ADAM23: variants seen among roughly 807,000 people sequenced by gnomAD.
ADAM23 encodes the protein disintegrin and metalloproteinase domain-containing protein 23.
ADAM23 carries 33 observed loss-of-function variants against 120.1 expected under a neutral mutation model. The ratio of observed to expected loss-of-function variants is 0.27; its 90% CI spans 0.21 to 0.37. The LOEUF (loss-of-function observed/expected upper bound fraction) is 0.37. Among genes scored for constraint, ADAM23 ranks in the 10% least tolerant of loss-of-function variants. The pLI is 1.00. For missense variants in ADAM23, 862 were observed against 1,058.2 expected, an observed-to-expected ratio of 0.81 and a Z score of 2.57; for synonymous variants, 367 against 375.2, an observed-to-expected ratio of 0.98 and a Z score of 0.25.
chr2:206,609,947 T>TG lies in ADAM23; in HGVS notation c.2399dup (p.Ala801CysfsTer17). The TG allele has an allele frequency of 6.2e-7, 1 of 1,601,264 alleles. No individual in the cohort carries two copies. The highest frequency in any genetic ancestry group is 8.5e-7 in the Non-Finnish European group (1 of 1,175,920). On this transcript the variant is annotated frameshift_variant, in exon 25 of 26. Transcript: ENST00000264377. LOFTEE classifies it high-confidence loss of function. ...CCAATCTCATAATAGGCTCCATCGCTGGTGCCATCCTGGTAGCAGCTATTG... is the reference window on the plus strand; with the variant it reads ...CCAATCTCATAATAGGCTCCATCGCTGGGTGCCATCCTGGTAGCAGCTATTG...
At chr2:206,612,799 T>C (rs1698850739) in intron 25 of ADAM23, among the ~76,000 whole-genome samples, 1 of 152,200 alleles carries the variant, frequency 6.6e-6, no homozygotes, top group East Asian at 1.9e-4. Context: ...TGTGCATGTA[T>C]GTGAATGTGT....
intron 18 of ADAM23, among the ~76,000 whole-genome samples, chr2:206,578,645 G>T (rs1698165143): frequency 6.6e-6 from 1 of 152,134 alleles, no homozygotes; most frequent in Admixed American, 6.6e-5. Context: ...TGGGTTGGTT[G>T]ATGGTCATTT....
intron 3 of ADAM23, among the ~76,000 whole-genome samples, chr2:206,521,623 A>G (rs1244201856): frequency 6.6e-6 from 1 of 152,188 alleles, no homozygotes; most frequent in African/African-American, 2.4e-5. Context: ...CTATATGTGA[A>G]TGTATGTATA....
intron 2 of ADAM23, among the ~76,000 whole-genome samples, chr2:206,462,331 GC>G (rs775531922): frequency 6.6e-6 from 1 of 152,056 alleles, no homozygotes; most frequent in African/African-American, 2.4e-5. Flanking sequence ...CTCCCAGCAC[GC>G]CCCAAAGGCT....
Position 206,617,880 on chromosome 2 carries a change from C to T in ADAM23, c.*253C>T, listed in dbSNP as rs1698965235. The T allele has an allele frequency of 1.7e-6, 1 of 600,304 alleles. No individual in the cohort carries two copies. The highest frequency in any genetic ancestry group is 2.4e-6 in the Non-Finnish European group (1 of 409,016). 37.2% of individuals were successfully genotyped at this position (600,304 alleles called of 1,614,324 possible). A position where few individuals can be genotyped will look rare whatever the true frequency, so the allele number is the denominator to read the frequency against. On this transcript the variant is annotated 3_prime_UTR_variant, in exon 26 of 26. Coordinates refer to ENST00000264377, the MANE Select transcript of ADAM23 (RefSeq NM_003812.4). ...AGACCATGCTATAAAAAGAACTGTT[C>T]CAGAATCTTTTTTTTCCCTAATGGA... is the stretch of plus-strand genomic sequence containing the variant.
At chr2:206,453,612 A>G (rs1695239174) in intron 2 of ADAM23, among the ~76,000 whole-genome samples, 1 of 152,216 alleles carries the variant, frequency 6.6e-6, no homozygotes, top group South Asian at 2.1e-4. Context: ...TATGATTTTA[A>G]TTAAATTTAA....
chr2:206,560,559 G>T (rs1034836272), intron 11 of ADAM23, among the ~76,000 whole-genome samples: 1 of 152,150 alleles, frequency 6.6e-6, no homozygotes, highest in Admixed American at 6.5e-5. Flanking sequence ...AGAGAGGCTA[G>T]CAAAATGTAG....
At chr2:206,468,040 C>A (rs1343648354) in intron 2 of ADAM23, among the ~76,000 whole-genome samples, 1 of 152,130 alleles carries the variant, frequency 6.6e-6, no homozygotes, top group Non-Finnish European at 1.5e-5. Flanking sequence ...GACTGCAGTG[C>A]CCTGGGCTTG....
chr2:206,533,779 A>T (rs990510369), intron 4 of ADAM23, among the ~76,000 whole-genome samples: 46 of 152,306 alleles, frequency 3.0e-4, no homozygotes, highest in African/African-American at 1.0e-3. Context: ...TTGCATGGAC[A>T]TGGGTTAAAA....
In ADAM23 at chr2:206,443,881, C is replaced by T. The variant is rs1171704769; in HGVS notation, c.15C>T (p.Gly5=). MKPP[G]SSSRQPPLAG... Reference sequence around the variant, plus strand: ...AGCTATGAGCCATGAAGCCGCCCGGCAGCAGCTCGCGGCAGCCGCCCCTGG... The same window carrying T: ...AGCTATGAGCCATGAAGCCGCCCGGTAGCAGCTCGCGGCAGCCGCCCCTGG... Residue 5 remains glycine, a synonymous_variant, in exon 1 of 26, where the codon GGC becomes GGT. Transcript: ENST00000264377. 8.7e-7 allele frequency: 1 copy of T among 1,154,298 alleles called. No individual in the cohort carries two copies. The highest frequency in any genetic ancestry group is 1.1e-6 in the Non-Finnish European group (1 of 940,882). 71.5% of individuals were successfully genotyped at this position (1,154,298 alleles called of 1,614,324 possible).
intron 3 of ADAM23, among the ~76,000 whole-genome samples, chr2:206,530,233 C>T (rs574047923): frequency 1.9e-4 from 29 of 152,344 alleles, no homozygotes; most frequent in Non-Finnish European, 3.2e-4. Flanking sequence ...CAGCCATGCT[C>T]ATTTGTTTAC....
chr2:206,583,192 T>C (rs1414678449), intron 18 of ADAM23, among the ~76,000 whole-genome samples: 5 of 152,192 alleles, frequency 3.3e-5, no homozygotes, highest in Non-Finnish European at 7.4e-5. Flanking sequence ...CAGTGGCTCA[T>C]GCTTGTAATC....
chr2:206,554,056 AT>A (rs1329300626), intron 9 of ADAM23, among the ~76,000 whole-genome samples: 1 of 152,184 alleles, frequency 6.6e-6, no homozygotes, highest in African/African-American at 2.4e-5. Context: ...ATAAATGGTG[AT>A]TGCATATTTT....
At chr2:206,488,175 A>C (rs1423122968) in intron 3 of ADAM23, among the ~76,000 whole-genome samples, 1 of 152,212 alleles carries the variant, frequency 6.6e-6, no homozygotes, top group African/African-American at 2.4e-5. Context: ...TGACATGGTT[A>C]ATTCATTCTT....
At chr2:206,579,425 A>T (rs1456816146) in intron 18 of ADAM23, among the ~76,000 whole-genome samples, 1 of 152,122 alleles carries the variant, frequency 6.6e-6, no homozygotes, top group Non-Finnish European at 1.5e-5. Context: ...GTGAGAGATG[A>T]AGATCCAGTT....
chr2:206,587,368 A>T lies in ADAM23; in HGVS notation c.1781A>T (p.Gln594Leu). The change falls in exon 19 of 26, where the codon CAA becomes CTA. Residue 594 changes from glutamine to leucine, a missense_variant. Gln to Leu is a moderately radical substitution (Grantham distance 113). Coordinates refer to ENST00000264377, the MANE Select transcript of ADAM23 (RefSeq NM_003812.4). ...AAGCAAGACGGATATGCATGCAATC[A>T]AAATCAGGTATGCTGGGCTATAAAT... ...LHKQDGYACN[Q>L]NQGRCYNGEC... 1 of 1,606,574 alleles carries T rather than the reference A, an allele frequency of 6.2e-7. No individual in the cohort carries two copies. The highest frequency in any genetic ancestry group is 1.1e-5 in the South Asian group (1 of 89,430).
intron 9 of ADAM23, among the ~76,000 whole-genome samples, chr2:206,555,889 C>T (rs1697634031): frequency 6.6e-6 from 1 of 152,082 alleles, no homozygotes; most frequent in Admixed American, 6.6e-5. Context: ...AATATTTTTC[C>T]TTTTACTCTT....
intron 2 of ADAM23, 63 bp downstream of exon 2, chr2:206,445,587 T>G: frequency 4.3e-6 from 6 of 1,403,706 alleles, no homozygotes; most frequent in Non-Finnish European, 4.9e-6. Flanking sequence ...GATTTGATTT[T>G]CTGCCAGAAT....
chr2:206,586,550 G>A (rs1468109676), intron 18 of ADAM23, among the ~76,000 whole-genome samples: 1 of 152,198 alleles, frequency 6.6e-6, no homozygotes, highest in African/African-American at 2.4e-5. Context: ...GGTGAAGACT[G>A]AGGGAGGACC....
Sources: gnomAD v4.1 joint callset for allele counts (sites outside exome capture counted in the v4.1 genomes callset) on GRCh38, gnomAD v4.1.1 for gene constraint, MANE v1.5 for transcripts, NCBI Gene and HGNC (gene_info 2026-07-23, HGNC 2026-07-21) for gene names.